Variants in ENOX2 observed in about 807,000 individuals in gnomAD.
ENOX2 encodes APK1 antigen.
Under a neutral mutation model 45.0 loss-of-function variants are expected in ENOX2, and 36 were observed. The ratio of observed to expected loss-of-function variants is 0.80; its 90% CI spans 0.61 to 1.06. The LOEUF is 1.06. ENOX2 is among the 50% of genes least tolerant of loss of function. The probability of loss-of-function intolerance (pLI) is 0.00; values close to 1 mark genes in which losing one functional copy is unlikely to be tolerated. For missense variants in ENOX2, 423 were observed against 462.5 expected, an observed-to-expected ratio of 0.91 and a Z score of 0.78; for synonymous variants, 174 against 152.3, an observed-to-expected ratio of 1.14 and a Z score of -1.05.
At chrX:130,779,027 CT>C (rs1406057966) in intron 3 of ENOX2, among the ~76,000 whole-genome samples, 1 of 112,651 alleles carries the variant, frequency 8.9e-6, no homozygotes, top group Non-Finnish European at 1.9e-5. Flanking sequence ...GTTTTTTCCA[CT>C]TTAGTGGAAG....
rs2035500404 is a variant in ENOX2, at chrX:130,624,770, T to C, written c.*544A>G. 8.9e-6 allele frequency: 1 copy of C among 112,729 alleles called. No individual in the cohort carries two copies. Among genetic ancestry groups the C allele is most frequent in the Admixed American group, 9.4e-5 (1 of 10,672 alleles). The allele number at this position is 112,729 out of a possible 1,213,427, so 9.3% of individuals were successfully genotyped here. On this transcript the variant is annotated 3_prime_UTR_variant, in exon 15 of 15. Transcript: ENST00000394363. The stretch of plus-strand genomic sequence containing the variant: ...TTGCAAAAAGCCACAAACCATGCTT[T>C]GTCGTTTAAAAGGTGAACCTGGTCA...
In ENOX2 at chrX:130,676,282, A is replaced by T. The variant is rs5975220; in HGVS notation, c.460+3260T>A. On this transcript the variant is annotated intron_variant, in intron 6 of 14. Coordinates refer to ENST00000394363, the MANE Select transcript of ENOX2 (RefSeq NM_006375.4). ...TCCAATTCCATCAGAAAAAAAATGAAGATCTCCACATTTTCTAGCCCCCTT... is the reference window on the plus strand; with the variant it reads ...TCCAATTCCATCAGAAAAAAAATGATGATCTCCACATTTTCTAGCCCCCTT... 6.3e-3 allele frequency among the ~76,000 whole-genome samples: 705 copies of T among 111,816 alleles called. 6 individuals carry two copies. The highest frequency in any genetic ancestry group is 0.022 in the African/African-American group (671 of 30,732).
At chrX:130,657,202 A>G (rs181492716) in intron 9 of ENOX2, among the ~76,000 whole-genome samples, 16 of 112,215 alleles carry the variant, frequency 1.4e-4, no homozygotes, top group African/African-American at 4.9e-4. Context: ...CCCATGGATA[A>G]TAACTATAAT....
At position 130,622,886 on chromosome X, in the gene ENOX2, T is replaced by G. The variant is rs998451823; in HGVS notation, c.*2428A>C. ...TTATGGGGGCTGGCAAGTTAGAGATTTGTAGGGCAGGCCGGCAGGCTGGAA... is the reference window on the plus strand; with the variant it reads ...TTATGGGGGCTGGCAAGTTAGAGATGTGTAGGGCAGGCCGGCAGGCTGGAA... On this transcript the variant is annotated 3_prime_UTR_variant, in exon 15 of 15. Coordinates refer to ENST00000394363, the MANE Select transcript of ENOX2 (RefSeq NM_006375.4). Among the ~76,000 whole-genome samples the G allele has an allele frequency of 9.0e-6, 1 of 111,246 alleles. No homozygotes were observed. Among genetic ancestry groups the G allele is most frequent in the African/African-American group, 3.3e-5 (1 of 30,583 alleles).
chrX:130,675,383 C>G (rs1288120046), intron 6 of ENOX2, among the ~76,000 whole-genome samples: 2 of 112,523 alleles, frequency 1.8e-5, no homozygotes, highest in Admixed American at 9.4e-5. Context: ...ACAAAAGACA[C>G]ATTATGTACA....
At chrX:130,656,237 C>G (rs1330732882) in intron 10 of ENOX2, among the ~76,000 whole-genome samples, 1 of 112,530 alleles carries the variant, frequency 8.9e-6, no homozygotes, top group Non-Finnish European at 1.9e-5. Context: ...AAAAAGTTTG[C>G]CCTATGGGTC....
intron 2 of ENOX2, among the ~76,000 whole-genome samples, chrX:130,882,320 G>C (rs181077982): frequency 3.3e-4 from 32 of 97,048 alleles, no homozygotes; most frequent in African/African-American, 1.0e-3. Flanking sequence ...GGATGGCCCT[G>C]AATGTCTATT....
chrX:130,662,846 A>T (rs1351047341), intron 9 of ENOX2, among the ~76,000 whole-genome samples: 1 of 112,439 alleles, frequency 8.9e-6, no homozygotes, highest in Non-Finnish European at 1.9e-5. Context: ...GAGATATTCA[A>T]GGTGGACCTT....
At chrX:130,885,192 A>T (rs1309734057) in intron 2 of ENOX2, among the ~76,000 whole-genome samples, 1 of 112,224 alleles carries the variant, frequency 8.9e-6, no homozygotes, top group Admixed American at 9.5e-5. Context: ...ATTTTTCAGT[A>T]AATGACCAAA....
intron 2 of ENOX2, among the ~76,000 whole-genome samples, chrX:130,855,418 G>T (rs764602790): frequency 9.9e-5 from 11 of 111,508 alleles, no homozygotes; most frequent in Non-Finnish European, 1.3e-4. Flanking sequence ...CTACAATAAC[G>T]ATGAAAAATA....
At chrX:130,655,697 C>T (rs898261939) in intron 10 of ENOX2, among the ~76,000 whole-genome samples, 2 of 111,927 alleles carry the variant, frequency 1.8e-5, no homozygotes, top group African/African-American at 3.2e-5. Context: ...TGCAATGGTG[C>T]GACCTCTGCT....
intron 9 of ENOX2, 107 bp from the exon 10 acceptor site, chrX:130,656,802 A>G: frequency 2.0e-6 from 1 of 488,516 alleles, no homozygotes; most frequent in Admixed American, 3.8e-5. Context: ...ACATATTAGG[A>G]AAAAAATCCT....
chrX:130,684,217 T>C (rs1309305873), intron 5 of ENOX2, among the ~76,000 whole-genome samples: 3 of 112,465 alleles, frequency 2.7e-5, no homozygotes, highest in African/African-American at 9.7e-5. Flanking sequence ...ATCATAACTT[T>C]AGAGCTGGAT....
chrX:130,879,517 T>C (rs1285735856), intron 2 of ENOX2, among the ~76,000 whole-genome samples: 1 of 101,710 alleles, frequency 9.8e-6, no homozygotes, highest in Non-Finnish European at 2.0e-5. Flanking sequence ...AGTAAGAGAA[T>C]AGGTAACCAT....
At chrX:130,701,653 A>AGATC (rs764347553) in intron 4 of ENOX2, among the ~76,000 whole-genome samples, 141 of 111,492 alleles carry the variant, frequency 1.3e-3, no homozygotes, top group Middle Eastern at 4.6e-3. Context: ...CAACTGCTCG[A>AGATC]GATCCAATAG....
At chrX:130,821,457 C>T (rs1222902390) in intron 2 of ENOX2, among the ~76,000 whole-genome samples, 5 of 83,632 alleles carry the variant, frequency 6.0e-5, no homozygotes, top group African/African-American at 2.2e-4. Context: ...AACCAAACAC[C>T]GCATATTCTC....
intron 3 of ENOX2, among the ~76,000 whole-genome samples, chrX:130,779,015 T>C (rs2039917676): frequency 8.9e-6 from 1 of 112,816 alleles, no homozygotes; most frequent in Admixed American, 9.4e-5. Flanking sequence ...TGTTGACTCA[T>C]GGTTTTTTCC....
At chrX:130,864,405 T>C (rs1293659758) in intron 2 of ENOX2, among the ~76,000 whole-genome samples, 2 of 111,405 alleles carry the variant, frequency 1.8e-5, no homozygotes, top group Non-Finnish European at 3.8e-5. Flanking sequence ...ACAGGCTCAG[T>C]TGCAGCTTAA....
chrX:130,724,142 T>A (rs964382667), intron 3 of ENOX2, among the ~76,000 whole-genome samples: 2 of 112,255 alleles, frequency 1.8e-5, no homozygotes, highest in African/African-American at 6.5e-5. Flanking sequence ...TGTCCTCAAG[T>A]TAATCTTGCT....
Sources: allele counts gnomAD v4.1 joint callset (sites outside exome capture counted in the v4.1 genomes callset), GRCh38; gene constraint gnomAD v4.1.1; transcripts MANE v1.5; gene names NCBI Gene and HGNC (gene_info 2026-07-23, HGNC 2026-07-21).